The following EXT1 variants were observed in gnomAD, a reference collection of about 807,000 sequenced individuals.
EXT1 encodes the protein exostosin glycosyltransferase 1, also known as exostosin-1.
Under a neutral mutation model 82.5 loss-of-function variants are expected in EXT1, and 20 were observed. The observed-to-expected ratio is 0.24, with a 90% CI of 0.17 to 0.35. The LOEUF is 0.35. Among genes scored for constraint, EXT1 ranks in the 10% least tolerant of loss-of-function variants. The probability of loss-of-function intolerance (pLI) is 1.00; values close to 1 mark genes in which losing one functional copy is unlikely to be tolerated. For missense variants in EXT1, 757 were observed against 936.5 expected, an observed-to-expected ratio of 0.81 and a Z score of 2.50; for synonymous variants, 348 against 350.8, an observed-to-expected ratio of 0.99 and a Z score of 0.09.
At chr8:118,069,018 A>AGG (rs1817039783) in intron 1 of EXT1, among the ~76,000 whole-genome samples, 1 of 151,988 alleles carries the variant, frequency 6.6e-6, no homozygotes, top group Non-Finnish European at 1.5e-5. Context: ...GAGTACCTAC[A>AGG]CCCCCTTCTA....
chr8:117,817,736 G>T (rs919541181), intron 7 of EXT1, among the ~76,000 whole-genome samples: 2 of 152,192 alleles, frequency 1.3e-5, no homozygotes, highest in African/African-American at 4.8e-5. Flanking sequence ...GTAGTAGGGG[G>T]CAGGGTCTGT....
intron 4 of EXT1, among the ~76,000 whole-genome samples, chr8:117,828,977 G>A (rs1228876899): frequency 1.3e-5 from 2 of 152,052 alleles, no homozygotes; most frequent in Admixed American, 1.3e-4. Context: ...GACCAAGTAG[G>A]GTGACTTCAG....
chr8:117,867,866 A>C (rs1402697436), intron 1 of EXT1, among the ~76,000 whole-genome samples: 2 of 152,184 alleles, frequency 1.3e-5, no homozygotes, highest in Non-Finnish European at 2.9e-5. Context: ...TGACTGCCTC[A>C]TCTATAAGTT....
rs1343709475 is a variant in EXT1, at chr8:117,804,830, C to T, written c.1947G>A (p.Leu649=). 1.2e-6 allele frequency: 2 copies of T among 1,613,970 alleles called. No individual in the cohort carries two copies. Among genetic ancestry groups the T allele is most frequent in the Non-Finnish European group, 1.7e-6 (2 of 1,180,000 alleles). Residue 649 remains leucine (L), a synonymous_variant, in exon 10 of 11, where the codon TTG becomes TTA. Transcript: ENST00000378204. The part of the protein sequence containing the change: ...PASLKNMVDQ[L]ANCEDILMNF... ...TCATGAGAATGTCCTCACAATTGGC[C>T]AATTGGTCCACCATGTTCTTCAGGC...
At chr8:117,978,449 A>G (rs1391290749) in intron 1 of EXT1, among the ~76,000 whole-genome samples, 1 of 152,196 alleles carries the variant, frequency 6.6e-6, no homozygotes, top group Non-Finnish European at 1.5e-5. Flanking sequence ...TCCAGAGGTC[A>G]CATTCAACTA....
chr8:118,039,129 T>C lies in EXT1; in HGVS notation c.962+70956A>G, dbSNP rs192462322. ...TCAGCATAATAAACATTTGTAAGGA[T>C]GAATGAAGACCTCAACAGGTTTTGT... On this transcript the variant is annotated intron_variant, in intron 1 of 10. Transcript: ENST00000378204. 3.2e-3 allele frequency among the ~76,000 whole-genome samples: 482 copies of C among 152,368 alleles called. 1 individual carries two copies. The highest frequency in any genetic ancestry group is 5.7e-3 in the Non-Finnish European group (386 of 68,036).
intron 1 of EXT1, among the ~76,000 whole-genome samples, chr8:117,996,000 T>C (rs953199155): frequency 2.0e-5 from 3 of 152,210 alleles, no homozygotes; most frequent in East Asian, 3.8e-4. Flanking sequence ...ATATTTCTTG[T>C]CCTGGTGCTC....
At chr8:117,968,990 T>A (rs986100037) in intron 1 of EXT1, among the ~76,000 whole-genome samples, 1 of 152,192 alleles carries the variant, frequency 6.6e-6, no homozygotes, top group South Asian at 2.1e-4. Context: ...CATGGTGGTA[T>A]ATAAAAGAAG....
intron 3 of EXT1, 84 bp from the exon 4 acceptor site, chr8:117,830,433 T>G: frequency 6.7e-7 from 1 of 1,499,680 alleles, no homozygotes; most frequent in Non-Finnish European, 9.1e-7. Context: ...TGGGTTAGGC[T>G]TTTATTCTTC....
chr8:117,949,618 G>T (rs1284673767), intron 1 of EXT1, among the ~76,000 whole-genome samples: 2 of 151,410 alleles, frequency 1.3e-5, no homozygotes, highest in African/African-American at 4.8e-5. Flanking sequence ...TTACAAAATA[G>T]ATTGTAATTA....
intron 1 of EXT1, among the ~76,000 whole-genome samples, chr8:117,870,850 A>C (rs113623166): frequency 4.5e-5 from 4 of 89,666 alleles, no homozygotes; most frequent in Admixed American, 1.8e-4. Context: ...CACACACACA[A>C]AAGATTGAAG....
At chr8:118,022,457 C>G (rs1295423394) in intron 1 of EXT1, among the ~76,000 whole-genome samples, 1 of 149,000 alleles carries the variant, frequency 6.7e-6, no homozygotes, top group Non-Finnish European at 1.5e-5. Flanking sequence ...CCTGCCTCAG[C>G]CCCCTGAGTA....
intron 7 of EXT1, among the ~76,000 whole-genome samples, chr8:117,813,583 T>C (rs1823370148): frequency 6.6e-6 from 1 of 152,094 alleles, no homozygotes; most frequent in Non-Finnish European, 1.5e-5. Context: ...ATTACAAACA[T>C]TTACAAATTA....
In EXT1 at chr8:118,069,477, A is replaced by G. The variant is rs555730068; in HGVS notation, c.962+40608T>C. ...CCCCCTCCCACTTACAAATCATGAA[A>G]CTACAAACATTCTCTTATGAAGCAG... On this transcript the variant is annotated intron_variant, in intron 1 of 10. Coordinates refer to ENST00000378204, the MANE Select transcript of EXT1 (RefSeq NM_000127.3). Among the ~76,000 whole-genome samples, 3 of 152,250 alleles carry G rather than the reference A, an allele frequency of 2.0e-5. No individual in the cohort carries two copies. In the East Asian group the frequency reaches 5.8e-4, roughly 30 times the overall value.
chr8:118,003,413 T>TA (rs1020160425), intron 1 of EXT1, among the ~76,000 whole-genome samples: 10 of 150,756 alleles, frequency 6.6e-5, no homozygotes, highest in Admixed American at 1.3e-4. Context: ...AAAAAAAAAT[T>TA]AAAAAAAAAG....
intron 1 of EXT1, among the ~76,000 whole-genome samples, chr8:117,840,584 C>T (rs10112120): frequency 1.3e-5 from 2 of 150,602 alleles, no homozygotes; most frequent in African/African-American, 2.4e-5. Flanking sequence ...TGTACTCCAG[C>T]CTGGGCAACA....
intron 1 of EXT1, among the ~76,000 whole-genome samples, chr8:118,055,615 G>A (rs1816783210): frequency 6.6e-6 from 1 of 152,138 alleles, no homozygotes. Context: ...GGTTTTCCAG[G>A]ACAGATGGCT....
chr8:117,979,444 G>C (rs1036744439), intron 1 of EXT1, among the ~76,000 whole-genome samples: 1 of 151,868 alleles, frequency 6.6e-6, no homozygotes, highest in African/African-American at 2.4e-5. Context: ...CTGATTACAG[G>C]AGCATATTTT....
intron 4 of EXT1, among the ~76,000 whole-genome samples, chr8:117,823,614 T>C (rs1811960660): frequency 6.6e-6 from 1 of 152,176 alleles, no homozygotes; most frequent in African/African-American, 2.4e-5. Context: ...GTACAGACTA[T>C]TTTAAATGGA....
Sources: gnomAD v4.1 joint callset for allele counts (sites outside exome capture counted in the v4.1 genomes callset) on GRCh38, gnomAD v4.1.1 for gene constraint, MANE v1.5 for transcripts, NCBI Gene and HGNC (gene_info 2026-07-23, HGNC 2026-07-21) for gene names.